DGKB: variants seen among roughly 807,000 people sequenced by gnomAD.
DGKB encodes 90 kDa diacylglycerol kinase.
Under a neutral mutation model 114.3 loss-of-function variants are expected in DGKB, and 67 were observed. The ratio of observed to expected loss-of-function variants is 0.59; its 90% CI spans 0.48 to 0.72. The LOEUF is 0.72. Ranked by LOEUF, DGKB falls within the 30% of genes least tolerant of loss-of-function variation. The pLI is 0.00. For missense variants in DGKB, 907 were observed against 975.2 expected (o/e 0.93, Z 0.93); for synonymous variants, 398 against 323.1 (o/e 1.23, Z -2.49).
chr7:14,468,170 A>G (rs780425715), intron 21 of DGKB, among the ~76,000 whole-genome samples: 30 of 152,194 alleles, frequency 2.0e-4, no homozygotes, highest in Non-Finnish European at 3.7e-4. Context: ...CAGCAATTGA[A>G]CTCTAGTCAA....
chr7:14,708,597 G>C (rs913308392), intron 6 of DGKB, among the ~76,000 whole-genome samples: 6 of 151,328 alleles, frequency 4.0e-5, no homozygotes, highest in East Asian at 1.9e-4. Flanking sequence ...AAACAGCATG[G>C]TACTGGTACC....
intron 23 of DGKB, among the ~76,000 whole-genome samples, chr7:14,278,539 C>A (rs1799369484): frequency 6.6e-6 from 1 of 152,110 alleles, no homozygotes; most frequent in Non-Finnish European, 1.5e-5. Flanking sequence ...TATACGACTA[C>A]TAGAATAAAA....
intron 20 of DGKB, among the ~76,000 whole-genome samples, chr7:14,527,236 A>T (rs899584428): frequency 4.6e-5 from 7 of 152,182 alleles, no homozygotes; most frequent in Non-Finnish European, 1.0e-4. Context: ...TCCAATCATT[A>T]GTCCAATGAC....
At chr7:14,860,283 A>T (rs1033620616) in intron 1 of DGKB, among the ~76,000 whole-genome samples, 2 of 152,128 alleles carry the variant, frequency 1.3e-5, no homozygotes, top group African/African-American at 4.8e-5. Context: ...ATAAAGAAGT[A>T]AGCATTTTCT....
chr7:14,723,227 T>A (rs1196422347), intron 5 of DGKB, among the ~76,000 whole-genome samples: 1 of 152,126 alleles, frequency 6.6e-6, no homozygotes, highest in Non-Finnish European at 1.5e-5. Context: ...GCTGAGATGG[T>A]AAAATGATAA....
chr7:14,580,336 T>G (rs1447389345), intron 19 of DGKB, among the ~76,000 whole-genome samples: 1 of 152,228 alleles, frequency 6.6e-6, no homozygotes, highest in African/African-American at 2.4e-5. Flanking sequence ...TCACATATGA[T>G]TTTATGTGCC....
intron 23 of DGKB, among the ~76,000 whole-genome samples, chr7:14,186,851 AC>A (rs1227637739): frequency 6.6e-6 from 1 of 152,090 alleles, no homozygotes; most frequent in African/African-American, 2.4e-5. Context: ...GATACAGTAG[AC>A]TTTGGGGACT....
chr7:14,772,578 T>C (rs1837577451), intron 2 of DGKB, among the ~76,000 whole-genome samples: 1 of 152,168 alleles, frequency 6.6e-6, no homozygotes. Flanking sequence ...ATCTTTAAAG[T>C]TTAGATCACA....
At chr7:14,521,936 T>C (rs1284746051) in intron 20 of DGKB, among the ~76,000 whole-genome samples, 1 of 152,186 alleles carries the variant, frequency 6.6e-6, no homozygotes, top group Non-Finnish European at 1.5e-5. Flanking sequence ...TATTTTGTAA[T>C]TTTGCCTGGA....
At chr7:14,755,811 T>C (rs750800730) in intron 3 of DGKB, among the ~76,000 whole-genome samples, 1 of 152,104 alleles carries the variant, frequency 6.6e-6, no homozygotes, top group Non-Finnish European at 1.5e-5. Flanking sequence ...AAAAATTTTA[T>C]GAAAATTAAC....
In DGKB at chr7:14,523,853, T is replaced by A. The variant is rs1790191100; in HGVS notation, c.1771-45628A>T. 2.0e-5 allele frequency among the ~76,000 whole-genome samples: 3 copies of A among 152,294 alleles called. No individual in the cohort carries two copies. The South Asian group carries it at 6.2e-4, about 32-fold the overall frequency. ...TCTATTACTTAATAGCTATGTGATTTAATGTTATTTACTCTCTCTTTGCTA... is the reference window on the plus strand; with the variant it reads ...TCTATTACTTAATAGCTATGTGATTAAATGTTATTTACTCTCTCTTTGCTA... On this transcript the variant is annotated intron_variant, in intron 20 of 25. Coordinates refer to ENST00000402815, the MANE Select transcript of DGKB (RefSeq NM_001350709.2).
At chr7:14,820,179 C>A (rs747672724) in intron 2 of DGKB, among the ~76,000 whole-genome samples, 1 of 151,962 alleles carries the variant, frequency 6.6e-6, no homozygotes, top group Admixed American at 6.6e-5. Flanking sequence ...TACTTGGTCA[C>A]CTTTTATATA....
At chr7:14,516,717 T>G (rs113836561) in intron 20 of DGKB, among the ~76,000 whole-genome samples, 196 of 152,318 alleles carry the variant, frequency 1.3e-3, no homozygotes, top group African/African-American at 4.4e-3. Flanking sequence ...TTTTATACAT[T>G]GATTTTGTAT....
At chr7:14,506,246 C>G (rs1305880503) in intron 20 of DGKB, among the ~76,000 whole-genome samples, 3 of 152,064 alleles carry the variant, frequency 2.0e-5, no homozygotes, top group East Asian at 3.9e-4. Context: ...TAAACTCACC[C>G]ACATAAAGGA....
At chr7:14,962,636 T>TGTGTG (rs1786919990) in intron 1 of DGKB, among the ~76,000 whole-genome samples, 3 of 142,030 alleles carry the variant, frequency 2.1e-5, no homozygotes, top group Admixed American at 7.2e-5. Flanking sequence ...GTGTGTGTGT[T>TGTGTG]TGTGTGTGTG....
intron 12 of DGKB, among the ~76,000 whole-genome samples, chr7:14,676,612 T>G (rs1053815607): frequency 6.6e-6 from 1 of 152,030 alleles, no homozygotes; most frequent in African/African-American, 2.4e-5. Context: ...TCATCAACAA[T>G]AGAAAGTTGC....
At chr7:14,720,406 G>A (rs963407175) in intron 5 of DGKB, among the ~76,000 whole-genome samples, 2 of 152,038 alleles carry the variant, frequency 1.3e-5, no homozygotes, top group Non-Finnish European at 1.5e-5. Context: ...CTGGGTTCAA[G>A]TGATTCTCCT....
intron 1 of DGKB, among the ~76,000 whole-genome samples, chr7:14,858,495 A>G (rs1451838932): frequency 1.3e-5 from 2 of 152,218 alleles, no homozygotes; most frequent in African/African-American, 4.8e-5. Flanking sequence ...GAAAGGGTAC[A>G]GTAACCTCCA....
At chr7:14,934,892 TG>T (rs1455104189) in intron 1 of DGKB, among the ~76,000 whole-genome samples, 1 of 152,192 alleles carries the variant, frequency 6.6e-6, no homozygotes, top group East Asian at 1.9e-4. Flanking sequence ...CTGAAACTAA[TG>T]AAAGTAAACC....
Sources: gnomAD v4.1 joint callset for allele counts (sites outside exome capture counted in the v4.1 genomes callset) on GRCh38, gnomAD v4.1.1 for gene constraint, MANE v1.5 for transcripts, NCBI Gene and HGNC (gene_info 2026-07-23, HGNC 2026-07-21) for gene names.